Variants in SLC15A5 observed in about 807,000 individuals in gnomAD.
SLC15A5 encodes Peptide/histidine transporter ENSP00000340402.
A neutral mutation model predicts 56.1 loss-of-function variants in SLC15A5; 58 were observed. The ratio of observed to expected loss-of-function variants is 1.03; its 90% confidence interval spans 0.84 to 1.29. The LOEUF (loss-of-function observed/expected upper bound fraction) is 1.29, where lower values mean the gene tolerates loss of function less well. Among genes scored for constraint, SLC15A5 ranks in the 50% most tolerant of loss-of-function variants. The probability of loss-of-function intolerance (pLI) is 0.00; values close to 1 mark genes in which losing one functional copy is unlikely to be tolerated. For missense variants in SLC15A5, 681 were observed against 672.1 expected (o/e 1.01, Z -0.15); for synonymous variants, 264 against 250.5 (o/e 1.05, Z -0.51).
chr12:16,277,248 A>C (rs1375246431), intron 1 of SLC15A5, 77 bp downstream of exon 1: 1 of 1,342,668 alleles, frequency 7.4e-7, no homozygotes, highest in Non-Finnish European at 9.8e-7. Context: ...CAGAGTGAAA[A>C]TAATATAAAC....
chr12:16,246,485 T>C (rs1280427858), intron 3 of SLC15A5, among the ~76,000 whole-genome samples: 1 of 152,184 alleles, frequency 6.6e-6, no homozygotes, highest in Non-Finnish European at 1.5e-5. Flanking sequence ...TTCCTGACAT[T>C]TCCTTACAAT....
chr12:16,206,383 T>C (rs1210291600), intron 7 of SLC15A5, among the ~76,000 whole-genome samples: 1 of 152,224 alleles, frequency 6.6e-6, no homozygotes, highest in Non-Finnish European at 1.5e-5. Flanking sequence ...CCTTCCTCCT[T>C]TCAGTAACCT....
At chr12:16,223,110 TATC>T (rs1864204028) in intron 6 of SLC15A5, among the ~76,000 whole-genome samples, 1 of 152,152 alleles carries the variant, frequency 6.6e-6, no homozygotes, top group Non-Finnish European at 1.5e-5. Context: ...ATTGCCTTGG[TATC>T]ATAAGTATGT....
At position 16,265,203 on chromosome 12, in the gene SLC15A5, A is replaced by G. The variant is rs191756141; in HGVS notation, c.585-7333T>C. Among the ~76,000 whole-genome samples the G allele has an allele frequency of 1.4e-4, 22 of 152,308 alleles. 1 individual carries two copies. The East Asian group carries it at 2.9e-3, about 20-fold the overall frequency. ...GCTATTGTAGCAAGGTATGGAGAAA[A>G]TCACAGCTATTGTAAGTCTGGATGA... On this transcript the variant is annotated intron_variant, in intron 2 of 8. Transcript: ENST00000344941.
At chr12:16,220,066 T>G (rs1864170851) in intron 6 of SLC15A5, among the ~76,000 whole-genome samples, 1 of 152,150 alleles carries the variant, frequency 6.6e-6, no homozygotes, top group Non-Finnish European at 1.5e-5. Flanking sequence ...CTCGTTGTTC[T>G]TAAACAGTTA....
intron 3 of SLC15A5, among the ~76,000 whole-genome samples, chr12:16,245,767 T>G (rs1216905474): frequency 6.6e-6 from 1 of 152,202 alleles, no homozygotes; most frequent in Non-Finnish European, 1.5e-5. Context: ...CTATAGAAAC[T>G]CAAAGTATAG....
intron 3 of SLC15A5, among the ~76,000 whole-genome samples, chr12:16,256,790 C>T (rs61659314): frequency 0.053 from 8,047 of 151,404 alleles, 335 homozygotes; most frequent in African/African-American, 0.11. Flanking sequence ...ACCTGGGAGT[C>T]GGAGCTTGCA....
intron 7 of SLC15A5, among the ~76,000 whole-genome samples, chr12:16,209,960 A>G (rs1335496372): frequency 6.6e-6 from 1 of 152,208 alleles, no homozygotes; most frequent in African/African-American, 2.4e-5. Flanking sequence ...CCATTCTTAT[A>G]GCATTCAAGT....
At chr12:16,275,070 C>T (rs1484313610) in intron 1 of SLC15A5, among the ~76,000 whole-genome samples, 3 of 151,890 alleles carry the variant, frequency 2.0e-5, no homozygotes, top group Non-Finnish European at 4.4e-5. Flanking sequence ...AATGTTGAGT[C>T]CATCAGAGAA....
chr12:16,231,807 A>C (rs1409658206), intron 5 of SLC15A5, among the ~76,000 whole-genome samples: 1 of 152,254 alleles, frequency 6.6e-6, no homozygotes, highest in East Asian at 1.9e-4. Context: ...CTCCATTCCT[A>C]TCTGCACACA....
chr12:16,212,808 T>C (rs932233032), intron 7 of SLC15A5, among the ~76,000 whole-genome samples: 16 of 147,892 alleles, frequency 1.1e-4, no homozygotes, highest in African/African-American at 3.7e-4. Flanking sequence ...ATTCCCTGGA[T>C]GACACAGAAT....
intron 5 of SLC15A5, among the ~76,000 whole-genome samples, chr12:16,227,227 C>T (rs1276581329): frequency 4.6e-5 from 7 of 152,084 alleles, no homozygotes; most frequent in South Asian, 2.1e-4. Context: ...CTTCCGTAAA[C>T]GGCTCACATA....
At chr12:16,253,756 G>A (rs10772915) in intron 3 of SLC15A5, among the ~76,000 whole-genome samples, 68,177 of 151,894 alleles carry the variant, frequency 0.45, 15,514 homozygotes, top group South Asian at 0.61. Flanking sequence ...AAGGTGGGCA[G>A]TATTAAAAGA....
At chr12:16,248,101 G>C (rs966518941) in intron 3 of SLC15A5, among the ~76,000 whole-genome samples, 3 of 152,072 alleles carry the variant, frequency 2.0e-5, no homozygotes, top group Non-Finnish European at 4.4e-5. Context: ...AAACAGCTGG[G>C]TGTTGGTGAC....
intron 3 of SLC15A5, 26 bp from the exon 4 acceptor site, chr12:16,244,826 A>G (rs1864447023): frequency 2.0e-6 from 3 of 1,521,250 alleles, no homozygotes; most frequent in Non-Finnish European, 2.6e-6. Flanking sequence ...GATATTATGT[A>G]TTAGTATAGG....
chr12:16,220,799 A>C (rs961698968), intron 6 of SLC15A5, among the ~76,000 whole-genome samples: 3 of 152,222 alleles, frequency 2.0e-5, no homozygotes, highest in African/African-American at 7.2e-5. Context: ...GCTATAAGCT[A>C]TAATGGCAGA....
chr12:16,232,018 AT>A (rs1864304350), intron 5 of SLC15A5, among the ~76,000 whole-genome samples: 1 of 152,248 alleles, frequency 6.6e-6, no homozygotes, highest in Non-Finnish European at 1.5e-5. Context: ...GTACAAAGTC[AT>A]ATCATCCTGA....
chr12:16,189,847 G>A, intron 8 of SLC15A5, 32 bp from the exon 9 acceptor site: 1 of 1,421,142 alleles, frequency 7.0e-7, no homozygotes, highest in Non-Finnish European at 9.2e-7. Context: ...CTTTTCTTAG[G>A]ACCAGATGTA....
intron 7 of SLC15A5, among the ~76,000 whole-genome samples, chr12:16,198,250 ATTTT>A (rs1565655651): frequency 6.6e-6 from 1 of 152,070 alleles, no homozygotes; most frequent in Non-Finnish European, 1.5e-5. Context: ...ATTTTTTAGA[ATTTT>A]TTTGTGTACC....
Sources: allele counts gnomAD v4.1 joint callset (sites outside exome capture counted in the v4.1 genomes callset), GRCh38; gene constraint gnomAD v4.1.1; transcripts MANE v1.5; gene names NCBI Gene and HGNC (gene_info 2026-07-23, HGNC 2026-07-21).